Variants in SEC22C observed in about 807,000 individuals in gnomAD.
SEC22C encodes the protein vesicle-trafficking protein SEC22c.
A neutral mutation model predicts 34.7 loss-of-function variants in SEC22C; 29 were observed. That is an observed-to-expected ratio of 0.84 (90% CI 0.62 to 1.14). The LOEUF (loss-of-function observed/expected upper bound fraction) is 1.14. Ranked by LOEUF, SEC22C falls within the 50% of genes most tolerant of loss-of-function variation. The pLI is 0.00. For missense variants in SEC22C, 337 were observed against 369.0 expected (o/e 0.91, Z 0.71); for synonymous variants, 117 against 132.8 (o/e 0.88, Z 0.82).
chr3:42,591,822 A>AT (rs1704858519), intron 1 of SEC22C, among the ~76,000 whole-genome samples: 1 of 152,176 alleles, frequency 6.6e-6, no homozygotes, highest in Non-Finnish European at 1.5e-5. Flanking sequence ...CAAAATGTGA[A>AT]TTATTCTCAC....
chr3:42,583,843 G>A (rs915196548), upstream of SEC22C, among the ~76,000 whole-genome samples: 1 of 152,206 alleles, frequency 6.6e-6, no homozygotes, highest in Non-Finnish European at 1.5e-5. Context: ...AGGAGATTAG[G>A]TAGTAGAGTC....
intron 6 of SEC22C, among the ~76,000 whole-genome samples, chr3:42,554,993 C>A (rs188610843): frequency 0.017 from 2,492 of 142,772 alleles, 70 homozygotes; most frequent in African/African-American, 0.062. Context: ...ACAACAACAA[C>A]AACAAAAAAA....
intron 1 of SEC22C, among the ~76,000 whole-genome samples, chr3:42,577,041 T>C (rs1197272202): frequency 6.6e-6 from 1 of 152,148 alleles, no homozygotes; most frequent in African/African-American, 2.4e-5. Flanking sequence ...TAGTCTTTTC[T>C]ATAAATAGTG....
In SEC22C at chr3:42,553,162, T is replaced by G; in HGVS notation, c.*86A>C. On this transcript the variant is annotated 3_prime_UTR_variant, in exon 7 of 7. Coordinates refer to ENST00000264454, the MANE Select transcript of SEC22C (RefSeq NM_032970.4). Reference sequence around the variant, plus strand: ...CCAGTTGGCTGAAAAGGATGGAAACTGGAGTGTAAAGTAGAGAAGCAGAAA... The same window carrying G: ...CCAGTTGGCTGAAAAGGATGGAAACGGGAGTGTAAAGTAGAGAAGCAGAAA... 6.5e-7 allele frequency: 1 copy of G among 1,547,222 alleles called. No individual in the cohort carries two copies. The highest frequency in any genetic ancestry group is 2.3e-5 in the East Asian group (1 of 44,268).
Position 42,550,853 on chromosome 3 carries a change from A to G in SEC22C, c.*2395T>C. On this transcript the variant is annotated 3_prime_UTR_variant, in exon 7 of 7. Coordinates refer to ENST00000264454, the MANE Select transcript of SEC22C (RefSeq NM_032970.4). ...AGGAAAAGAAAACAGTCCATTTTTAAGCCGTTCTTACCGACTTTTTTTTTT... is the reference window on the plus strand; with the variant it reads ...AGGAAAAGAAAACAGTCCATTTTTAGGCCGTTCTTACCGACTTTTTTTTTT... 1 of 981,184 alleles carries G rather than the reference A, an allele frequency of 1.0e-6. No individual in the cohort carries two copies. Among genetic ancestry groups the G allele is most frequent in the South Asian group, 4.7e-5 (1 of 21,066 alleles). 60.8% of individuals were successfully genotyped at this position (981,184 alleles called of 1,614,324 possible).
chr3:42,591,542 C>T (rs141715812), intron 1 of SEC22C: 5 of 1,613,646 alleles, frequency 3.1e-6, no homozygotes, highest in Non-Finnish European at 3.4e-6. Context: ...AGGAGAATGA[C>T]CAGCTGATCC....
At position 42,569,038 on chromosome 3, in the gene SEC22C, C is replaced by A; in HGVS notation, c.9G>T (p.Val3=). Residue 3 remains valine (V), a synonymous_variant, in exon 2 of 7, where the codon GTG becomes GTT. Transcript: ENST00000264454. The stretch of plus-strand genomic sequence containing the variant: ...CCCGTACCACGCAGGCAAAAAAGAT[C>A]ACGGACATGGTCCACAAGAGAAGTC... MS[V]IFFACVVRVR... The A allele has an allele frequency of 6.2e-7, 1 of 1,613,828 alleles. No homozygotes were observed. Among genetic ancestry groups the A allele is most frequent in the South Asian group, 1.1e-5 (1 of 91,020 alleles).
intron 1 of SEC22C, among the ~76,000 whole-genome samples, chr3:42,588,178 C>T (rs1047667790): frequency 6.6e-6 from 1 of 151,676 alleles, no homozygotes; most frequent in Non-Finnish European, 1.5e-5. Flanking sequence ...CCGAGGCAGA[C>T]AGATCATGAG....
intron 1 of SEC22C, chr3:42,600,865 G>T: frequency 1.7e-6 from 1 of 583,966 alleles, no homozygotes; most frequent in Non-Finnish European, 2.7e-6. Flanking sequence ...CTCCTGCGCT[G>T]TCGCGACGGG....
At chr3:42,594,634 C>T (rs1333956116) in intron 1 of SEC22C, 3 of 716,862 alleles carry the variant, frequency 4.2e-6, no homozygotes, top group Admixed American at 2.6e-5. Flanking sequence ...TGAATGAAAC[C>T]TCTGTGGCTC....
intron 2 of SEC22C, 74 bp from the exon 3 acceptor site, chr3:42,563,760 C>T (rs1703067337): frequency 2.5e-6 from 4 of 1,600,740 alleles, no homozygotes; most frequent in Middle Eastern, 1.7e-4. Context: ...CAGACACAAC[C>T]TTACCTGAAT....
chr3:42,552,577 C>T lies in SEC22C; in HGVS notation c.*671G>A. The T allele has an allele frequency of 3.1e-6, 3 of 979,040 alleles. 1 individual carries two copies. Among genetic ancestry groups the T allele is most frequent in the Non-Finnish European group, 3.6e-6 (3 of 824,242 alleles). 60.6% of individuals were successfully genotyped at this position (979,040 alleles called of 1,614,324 possible). On this transcript the variant is annotated 3_prime_UTR_variant, in exon 7 of 7. Transcript: ENST00000264454. ...AAACATCTCTGTACCCAAACAGTCC[C>T]ACCACTATAAAAGGTTACATATAAA...
rs986306483 is a variant in SEC22C at position 42,553,557 on chromosome 3, T to A, written c.712-109A>T. ...ATGAAGAGTGTCATTTCTCTCACAT[T>A]AGCTGATTAAACTGAATTCATTACA... On this transcript the variant is annotated intron_variant, in intron 6 of 6. Transcript: ENST00000264454. 2.8e-6 allele frequency: 4 copies of A among 1,445,178 alleles called. No individual in the cohort carries two copies. In the East Asian group the frequency reaches 7.4e-5, roughly 27 times the overall value. The allele number at this position is 1,445,178 out of a possible 1,614,324, so 89.5% of individuals were successfully genotyped here.
chr3:42,554,802 C>T (rs1222822063), intron 6 of SEC22C, among the ~76,000 whole-genome samples: 1 of 152,112 alleles, frequency 6.6e-6, no homozygotes, highest in African/African-American at 2.4e-5. Flanking sequence ...AGAATTAGAG[C>T]CACGCTTTCA....
upstream of SEC22C, among the ~76,000 whole-genome samples, chr3:42,585,349 A>G (rs1704576131): frequency 1.3e-5 from 2 of 152,192 alleles, no homozygotes. Flanking sequence ...CCAGGTTCAC[A>G]GTCAACTCCA....
In SEC22C at chr3:42,552,311, GTCA is replaced by G; in HGVS notation, c.*934_*936del. On this transcript the variant is annotated 3_prime_UTR_variant, in exon 7 of 7. Coordinates refer to ENST00000264454, the MANE Select transcript of SEC22C (RefSeq NM_032970.4). ...GGGAACAGGTACACAGGGTACAGTA[GTCA>G]TCATCATTAAAACAACAGGCACTCA... is the stretch of plus-strand genomic sequence containing the variant. The G allele has an allele frequency of 1.0e-6, 1 of 985,398 alleles. No individual in the cohort carries two copies. Among genetic ancestry groups the G allele is most frequent in the Non-Finnish European group, 1.2e-6 (1 of 829,938 alleles). 61.0% of individuals were successfully genotyped at this position (985,398 alleles called of 1,614,324 possible).
intron 1 of SEC22C, among the ~76,000 whole-genome samples, chr3:42,572,450 C>A (rs939291594): frequency 6.6e-6 from 1 of 152,102 alleles, no homozygotes; most frequent in Non-Finnish European, 1.5e-5. Context: ...CCCATCCTGC[C>A]GGGGTAGCAT....
intron 1 of SEC22C, among the ~76,000 whole-genome samples, chr3:42,589,942 T>G (rs1215398487): frequency 6.6e-6 from 1 of 152,220 alleles, no homozygotes; most frequent in African/African-American, 2.4e-5. Flanking sequence ...CTTTGCGGTA[T>G]GGTGCCTGGG....
At chr3:42,600,824 G>A (rs1489572613) in intron 1 of SEC22C, 1 of 417,198 alleles carries the variant, frequency 2.4e-6, no homozygotes, top group East Asian at 3.8e-5. Flanking sequence ...GGAGCCGCGA[G>A]GCCCGGGGCG....
Sources: allele counts gnomAD v4.1 joint callset (sites outside exome capture counted in the v4.1 genomes callset), GRCh38; gene constraint gnomAD v4.1.1; transcripts MANE v1.5; gene names NCBI Gene and HGNC (gene_info 2026-07-23, HGNC 2026-07-21).